SRBD1: variants seen among roughly 807,000 people sequenced by gnomAD.
The protein encoded by SRBD1 is S1 RNA binding domain 1, also known as S1 RNA-binding domain-containing protein 1.
SRBD1 carries 88 observed loss-of-function variants against 115.3 expected under a neutral mutation model. The ratio of observed to expected loss-of-function variants is 0.76; its 90% CI spans 0.64 to 0.91. SRBD1 has a LOEUF of 0.91. Ranked by LOEUF, SRBD1 falls within the 40% of genes least tolerant of loss-of-function variation. The pLI is 0.00. For missense variants in SRBD1, 1,385 were observed against 1,177.4 expected, an observed-to-expected ratio of 1.18 and a Z score of -2.58; for synonymous variants, 509 against 407.7, an observed-to-expected ratio of 1.25 and a Z score of -2.99.
intron 15 of SRBD1, among the ~76,000 whole-genome samples, chr2:45,485,190 C>T (rs1185308764): frequency 3.9e-5 from 6 of 152,156 alleles, no homozygotes; most frequent in African/African-American, 7.2e-5. Flanking sequence ...CTAGCCTCAA[C>T]GCTCTCACCA....
chr2:45,580,511 A>AT (rs1227093467), intron 6 of SRBD1, among the ~76,000 whole-genome samples: 36,454 of 85,746 alleles, frequency 0.43, 8,564 homozygotes, highest in Non-Finnish European at 0.5. Flanking sequence ...ACGTCCAGCT[A>AT]TTTTTTTTTT....
intron 16 of SRBD1, among the ~76,000 whole-genome samples, chr2:45,468,314 T>C (rs1009343357): frequency 1.3e-5 from 2 of 152,136 alleles, no homozygotes; most frequent in African/African-American, 4.8e-5. Flanking sequence ...ACTTTACTAG[T>C]GTATCTTTCC....
chr2:45,415,566 T>C (rs1027396360), intron 18 of SRBD1, among the ~76,000 whole-genome samples: 2 of 144,078 alleles, frequency 1.4e-5, no homozygotes, highest in Admixed American at 1.4e-4. Context: ...TGTATACGTA[T>C]ATATAGGTTA....
At chr2:45,535,944 C>T (rs572405363) in intron 14 of SRBD1, among the ~76,000 whole-genome samples, 1 of 151,994 alleles carries the variant, frequency 6.6e-6, no homozygotes, top group African/African-American at 2.4e-5. Context: ...CTATTTTTAA[C>T]AGATCAGTAA....
intron 14 of SRBD1, among the ~76,000 whole-genome samples, chr2:45,532,750 T>C (rs1671651425): frequency 6.7e-6 from 1 of 148,906 alleles, no homozygotes; most frequent in Non-Finnish European, 1.5e-5. Flanking sequence ...TAGGAGAGCA[T>C]AATACAAAGA....
At chr2:45,589,266 A>G (rs1673640302) in intron 4 of SRBD1, among the ~76,000 whole-genome samples, 1 of 152,228 alleles carries the variant, frequency 6.6e-6, no homozygotes, top group Non-Finnish European at 1.5e-5. Context: ...GGCCTTCATG[A>G]GGCTGCTCAT....
chr2:45,539,972 G>A (rs1444609555), intron 14 of SRBD1, among the ~76,000 whole-genome samples: 1 of 152,048 alleles, frequency 6.6e-6, no homozygotes, highest in Non-Finnish European at 1.5e-5. Context: ...TGAAAATATA[G>A]CCAGGAAAAA....
At chr2:45,581,217 T>C (rs756609532) in intron 6 of SRBD1, among the ~76,000 whole-genome samples, 1 of 152,100 alleles carries the variant, frequency 6.6e-6, no homozygotes, top group Non-Finnish European at 1.5e-5. Context: ...CATCTCCTGA[T>C]TCTCCTCATA....
At chr2:45,608,667 C>A (rs1674347899) in intron 1 of SRBD1, among the ~76,000 whole-genome samples, 1 of 152,174 alleles carries the variant, frequency 6.6e-6, no homozygotes, top group South Asian at 2.1e-4. Context: ...CTGCCTGTCT[C>A]TGAAACTATT....
intron 16 of SRBD1, among the ~76,000 whole-genome samples, chr2:45,429,224 G>A (rs904129182): frequency 1.3e-5 from 2 of 152,002 alleles, no homozygotes; most frequent in Admixed American, 1.3e-4. Flanking sequence ...GGTACAAAGA[G>A]GAGGCAGTAC....
rs1301896785 is a variant in SRBD1, at chr2:45,599,314, G to C, written c.648+135C>G. ...ACCCAAGAAAGTTACAAGTAGGAAA[G>C]CCTCCAGAAATCACTGGCAAAACTG... On this transcript the variant is annotated intron_variant, in intron 4 of 20. Coordinates refer to ENST00000263736, the MANE Select transcript of SRBD1 (RefSeq NM_018079.5). 3 of 1,227,792 alleles carry C rather than the reference G, an allele frequency of 2.4e-6. No homozygotes were observed. The African/African-American group carries it at 4.6e-5, about 19-fold the overall frequency. 76.1% of individuals were successfully genotyped at this position (1,227,792 alleles called of 1,614,324 possible). A position where few individuals can be genotyped will look rare whatever the true frequency, so the allele number is the denominator to read the frequency against.
At chr2:45,438,575 G>T (rs907225657) in intron 16 of SRBD1, among the ~76,000 whole-genome samples, 1 of 152,162 alleles carries the variant, frequency 6.6e-6, no homozygotes, top group South Asian at 2.1e-4. Context: ...TACAGCATCT[G>T]AAATAAAATT....
intron 6 of SRBD1, among the ~76,000 whole-genome samples, chr2:45,581,246 AC>A (rs747244401): frequency 4.5e-4 from 68 of 150,628 alleles, no homozygotes; most frequent in Admixed American, 4.2e-3. Context: ...TTTTTTTCCT[AC>A]CTCCTTATGC....
rs1668208484 is a variant in SRBD1 at position 45,427,944 on chromosome 2, G to C, written c.2050-8050C>G. 2.0e-5 allele frequency among the ~76,000 whole-genome samples: 3 copies of C among 152,150 alleles called. No homozygotes were observed. In the South Asian group the frequency reaches 6.2e-4, roughly 31 times the overall value. ...CTGTCAATATCAGACAGATGAATGAGACAGAAAATTAACAAGGGTATTCAG... is the reference window on the plus strand; with the variant it reads ...CTGTCAATATCAGACAGATGAATGACACAGAAAATTAACAAGGGTATTCAG... On this transcript the variant is annotated intron_variant, in intron 16 of 20. Coordinates refer to ENST00000263736, the MANE Select transcript of SRBD1 (RefSeq NM_018079.5).
intron 9 of SRBD1, among the ~76,000 whole-genome samples, chr2:45,567,385 G>A (rs988266123): frequency 6.6e-6 from 1 of 152,120 alleles, no homozygotes; most frequent in Non-Finnish European, 1.5e-5. Context: ...CAAAGCAGGA[G>A]GACTGGTTGA....
chr2:45,481,040 A>T (rs1572687400), intron 15 of SRBD1, among the ~76,000 whole-genome samples: 2 of 152,298 alleles, frequency 1.3e-5, no homozygotes, highest in African/African-American at 4.8e-5. Flanking sequence ...CATGAACATC[A>T]AGGCGAGACT....
chr2:45,545,476 T>C (rs1021219614), intron 14 of SRBD1, among the ~76,000 whole-genome samples: 9 of 152,068 alleles, frequency 5.9e-5, no homozygotes, highest in African/African-American at 2.2e-4. Flanking sequence ...GTTGTACTTA[T>C]AACCACTACA....
At chr2:45,481,129 T>G (rs1241008685) in intron 15 of SRBD1, among the ~76,000 whole-genome samples, 2 of 152,206 alleles carry the variant, frequency 1.3e-5, no homozygotes, top group African/African-American at 4.8e-5. Context: ...CTAAGTAAGA[T>G]GTGTACATAT....
At chr2:45,558,235 CAGA>C (rs1232182728) in intron 10 of SRBD1, among the ~76,000 whole-genome samples, 1 of 152,126 alleles carries the variant, frequency 6.6e-6, no homozygotes, top group African/African-American at 2.4e-5. Flanking sequence ...AAGGCTGAGG[CAGA>C]AGGATTGTTT....
Sources: allele counts gnomAD v4.1 joint callset (sites outside exome capture counted in the v4.1 genomes callset), GRCh38; gene constraint gnomAD v4.1.1; transcripts MANE v1.5; gene names NCBI Gene and HGNC (gene_info 2026-07-23, HGNC 2026-07-21).